MSANTD1: variants seen among roughly 807,000 people sequenced by gnomAD.
MSANTD1 encodes the protein myb/SANT-like DNA-binding domain-containing protein 1.
Under a neutral mutation model 24.2 loss-of-function variants are expected in MSANTD1, and 7 were observed. The ratio of observed to expected loss-of-function variants is 0.29; its 90% CI spans 0.16 to 0.54. MSANTD1 has a LOEUF of 0.54. Ranked by LOEUF, MSANTD1 falls within the 20% of genes least tolerant of loss-of-function variation. The pLI is 0.94. For missense variants in MSANTD1, 384 were observed against 408.2 expected (o/e 0.94, Z 0.51); for synonymous variants, 177 against 181.1 (o/e 0.98, Z 0.18).
rs143439385 is a variant in MSANTD1, at chr4:3,249,498, C to T, written c.276C>T (p.Gly92=). 284 of 1,611,820 alleles carry T rather than the reference C, an allele frequency of 1.8e-4. 1 individual carries two copies. The highest frequency in any genetic ancestry group is 2.2e-4 in the Non-Finnish European group (264 of 1,179,614). ...LFEMTGERRL[G]EEIKIKITNM... is the part of the protein sequence containing the mutation. ...AGATGACCGGCGAGCGCAGGCTGGG[C>T]GAGGAGATCAAGATCAAGATCACCA... Residue 92 remains glycine, a synonymous_variant, in exon 1 of 3, where the codon GGC becomes GGT. Coordinates refer to ENST00000438480, the MANE Select transcript of MSANTD1 (RefSeq NM_001042690.2).
chr4:3,245,834 C>T (rs557925319), upstream of MSANTD1, among the ~76,000 whole-genome samples: 2 of 152,348 alleles, frequency 1.3e-5, no homozygotes, highest in South Asian at 2.1e-4. Context: ...CTCCACCCTA[C>T]ACCAGGCCTC....
At chr4:3,252,978 G>A (rs1314078173) in intron 1 of MSANTD1, among the ~76,000 whole-genome samples, 1 of 152,358 alleles carries the variant, frequency 6.6e-6, no homozygotes, top group Non-Finnish European at 1.5e-5. Context: ...ACTGGGACGT[G>A]TGCTTCCTTT....
In MSANTD1 at chr4:3,249,417, C is replaced by A; in HGVS notation, c.195C>A (p.Leu65=). Residue 65 remains leucine (L), a synonymous_variant, in exon 1 of 3, where the codon CTC becomes CTA. Coordinates refer to ENST00000438480, the MANE Select transcript of MSANTD1 (RefSeq NM_001042690.2). ...MLVWEEFFDE[L]KQTKRNAKVY... is the part of the protein sequence containing the mutation. ...TCTGGGAGGAGTTCTTCGACGAGCT[C>A]AAGCAGACCAAGCGCAACGCCAAGG... 1 of 1,606,368 alleles carries A rather than the reference C, an allele frequency of 6.2e-7. No individual in the cohort carries two copies. Among genetic ancestry groups the A allele is most frequent in the Non-Finnish European group, 8.5e-7 (1 of 1,177,662 alleles).
At chr4:3,250,691 A>C (rs2110319865) in intron 1 of MSANTD1, among the ~76,000 whole-genome samples, 1 of 152,214 alleles carries the variant, frequency 6.6e-6, no homozygotes, top group Admixed American at 6.5e-5. Context: ...GCTGCCGGAG[A>C]GCCTGTCAGC....
chr4:3,253,257 A>G lies in MSANTD1; in HGVS notation c.371A>G (p.Tyr124Cys). ...GAGTCCGCCCCGCCCGACTGGCCCT[A>G]TTACCTAGCCATTGATGGGATTCTG... ...DSESAPPDWP[Y>C]YLAIDGILAK... Residue 124 changes from tyrosine to cysteine, a missense_variant, in exon 2 of 3, where the codon TAT becomes TGT. Coordinates refer to ENST00000438480, the MANE Select transcript of MSANTD1 (RefSeq NM_001042690.2). 1 of 1,601,860 alleles carries G rather than the reference A, an allele frequency of 6.2e-7. No individual in the cohort carries two copies. The highest frequency in any genetic ancestry group is 8.5e-7 in the Non-Finnish European group (1 of 1,172,462).
chr4:3,250,820 C>T (rs1487259416), intron 1 of MSANTD1, among the ~76,000 whole-genome samples: 1 of 152,198 alleles, frequency 6.6e-6, no homozygotes, highest in African/African-American at 2.4e-5. Context: ...CCACTGCCCC[C>T]CTCAGGCGAG....
intron 2 of MSANTD1, 79 bp downstream of exon 2, chr4:3,253,561 A>G (rs1292102289): frequency 4.3e-6 from 6 of 1,397,798 alleles, no homozygotes; most frequent in Non-Finnish European, 3.7e-6. Flanking sequence ...GGGAGTGGCA[A>G]GGCCGGCGGC....
chr4:3,249,655 C>T, intron 1 of MSANTD1, 113 bp downstream of exon 1: 4 of 1,084,650 alleles, frequency 3.7e-6, no homozygotes, highest in Non-Finnish European at 5.3e-6. Context: ...CGTGGCCTGC[C>T]TGTCGGTCTC....
At position 3,256,092 on chromosome 4, in the gene MSANTD1, C is replaced by A; in HGVS notation, c.*127C>A. 1 of 1,216,934 alleles carries A rather than the reference C, an allele frequency of 8.2e-7. No homozygotes were observed. 75.4% of individuals were successfully genotyped at this position (1,216,934 alleles called of 1,614,324 possible). On this transcript the variant is annotated 3_prime_UTR_variant, in exon 3 of 3. Coordinates refer to ENST00000438480, the MANE Select transcript of MSANTD1 (RefSeq NM_001042690.2). ...GAGCGGAGACCGCCTTCCACCTGGCCTCTGGCAGGATGTCCCTTCTGAGGG... is the reference window on the plus strand; with the variant it reads ...GAGCGGAGACCGCCTTCCACCTGGCATCTGGCAGGATGTCCCTTCTGAGGG...
rs758782730 is a variant in MSANTD1, at chr4:3,256,166, C to T, written c.*201C>T. The T allele has an allele frequency of 8.8e-6, 5 of 567,064 alleles. No homozygotes were observed. Among genetic ancestry groups the T allele is most frequent in the Non-Finnish European group, 1.4e-5 (5 of 347,774 alleles). The allele number at this position is 567,064 out of a possible 1,614,324, so 35.1% of individuals were successfully genotyped here. A position where few individuals can be genotyped will look rare whatever the true frequency, so the allele number is the denominator to read the frequency against. On this transcript the variant is annotated 3_prime_UTR_variant, in exon 3 of 3. Coordinates refer to ENST00000438480, the MANE Select transcript of MSANTD1 (RefSeq NM_001042690.2). ...CTGGGGACCGTGAGGCTCCAGTCTC[C>T]AGCATGAATGCCCTTCCTCGGACAC...
upstream of MSANTD1, chr4:3,245,456 CTG>C (rs1336757862): frequency 6.6e-6 from 1 of 152,560 alleles, no homozygotes; most frequent in Non-Finnish European, 1.5e-5. Context: ...ACTGAAGGGA[CTG>C]GGTAGGGGGG....
Position 3,256,524 on chromosome 4 carries a change from C to G in MSANTD1, c.*559C>G, listed in dbSNP as rs1722400742. ...AAAACCCCAGCGACCTTCCAGGAGG[C>G]TTTTATTCAGCTCTGTTTGGAGCAT... On this transcript the variant is annotated 3_prime_UTR_variant, in exon 3 of 3. Transcript: ENST00000438480. 6.6e-6 allele frequency: 1 copy of G among 152,322 alleles called. No homozygotes were observed. The allele number at this position is 152,322 out of a possible 1,614,324, so 9.4% of individuals were successfully genotyped here.
chr4:3,256,188 A>G lies in MSANTD1; in HGVS notation c.*223A>G, dbSNP rs1722387628. On this transcript the variant is annotated 3_prime_UTR_variant, in exon 3 of 3. Coordinates refer to ENST00000438480, the MANE Select transcript of MSANTD1 (RefSeq NM_001042690.2). ...CTCCAGCATGAATGCCCTTCCTCGG[A>G]CACAGGCCAGGGCCTCTGGGGTTCA... 1 of 497,808 alleles carries G rather than the reference A, an allele frequency of 2.0e-6. No individual in the cohort carries two copies. Among genetic ancestry groups the G allele is most frequent in the African/African-American group, 2.0e-5 (1 of 48,818 alleles). The allele number at this position is 497,808 out of a possible 1,614,324, so 30.8% of individuals were successfully genotyped here.
upstream of MSANTD1, chr4:3,249,013 T>A: frequency 2.3e-6 from 1 of 428,900 alleles, no homozygotes; most frequent in Non-Finnish European, 3.9e-6. Flanking sequence ...GCAATATTGA[T>A]GGCCCGTCAG....
chr4:3,250,809 C>A (rs1722201978), intron 1 of MSANTD1, among the ~76,000 whole-genome samples: 1 of 152,170 alleles, frequency 6.6e-6, no homozygotes, highest in South Asian at 2.1e-4. Context: ...AGAGGCCACC[C>A]CCACTGCCCC....
chr4:3,252,860 A>G (rs1169871762), intron 1 of MSANTD1, among the ~76,000 whole-genome samples: 1 of 152,280 alleles, frequency 6.6e-6, no homozygotes, highest in Non-Finnish European at 1.5e-5. Flanking sequence ...TGAATTATTT[A>G]AAAAGCAGTA....
At chr4:3,255,520 G>C (rs369654296) in intron 2 of MSANTD1, among the ~76,000 whole-genome samples, 2 of 152,136 alleles carry the variant, frequency 1.3e-5, no homozygotes, top group Non-Finnish European at 2.9e-5. Context: ...CTCCACACCC[G>C]GCCACCCCTG....
At chr4:3,251,743 A>G (rs896079705) in intron 1 of MSANTD1, among the ~76,000 whole-genome samples, 4 of 149,358 alleles carry the variant, frequency 2.7e-5, no homozygotes, top group Admixed American at 2.7e-4. Flanking sequence ...TGTTGGGCTG[A>G]AGAAGCCTGA....
At chr4:3,247,200 G>T (rs1722056950), upstream of MSANTD1, among the ~76,000 whole-genome samples, 1 of 152,174 alleles carries the variant, frequency 6.6e-6, no homozygotes, top group Non-Finnish European at 1.5e-5. Context: ...CCAGCACCAT[G>T]CTGGGTGATA....
Sources: gnomAD v4.1 joint callset for allele counts (sites outside exome capture counted in the v4.1 genomes callset) on GRCh38, gnomAD v4.1.1 for gene constraint, MANE v1.5 for transcripts, NCBI Gene and HGNC (gene_info 2026-07-23, HGNC 2026-07-21) for gene names.